Variants in SLC6A6 observed in about 807,000 individuals in gnomAD.
SLC6A6 encodes the protein sodium- and chloride-dependent taurine transporter.
SLC6A6 carries 16 observed loss-of-function variants against 68.8 expected under a neutral mutation model. That is an observed-to-expected ratio of 0.23 (90% confidence interval 0.16 to 0.35). The LOEUF (loss-of-function observed/expected upper bound fraction) is 0.35. SLC6A6 is among the 10% of genes least tolerant of loss of function. The probability of loss-of-function intolerance (pLI) is 1.00; values close to 1 mark genes in which losing one functional copy is unlikely to be tolerated. For synonymous variants in SLC6A6, 312 were observed against 315.4 expected, an observed-to-expected ratio of 0.99 and a Z score of 0.12; for missense variants, 474 against 802.8, an observed-to-expected ratio of 0.59 and a Z score of 4.95.
chr3:14,428,117 A>G (rs984057212), intron 2 of SLC6A6, among the ~76,000 whole-genome samples: 1 of 152,180 alleles, frequency 6.6e-6, no homozygotes, highest in Non-Finnish European at 1.5e-5. Context: ...CAGCAAGAAT[A>G]TTGATGGGGA....
intron 6 of SLC6A6, among the ~76,000 whole-genome samples, chr3:14,466,172 G>C (rs1450903702): frequency 6.6e-6 from 1 of 150,430 alleles, no homozygotes; most frequent in Non-Finnish European, 1.5e-5. Flanking sequence ...TGAGCCAGGA[G>C]AATCACTTGA....
chr3:14,484,991 T>C lies in SLC6A6; in HGVS notation c.1847T>C (p.Val616Ala). 1.9e-6 allele frequency: 3 copies of C among 1,612,532 alleles called. No homozygotes were observed. The highest frequency in any genetic ancestry group is 2.5e-6 in the Non-Finnish European group (3 of 1,179,160). The change falls in exon 15 of 15, where the codon GTG (valine) becomes GCG (alanine). Residue 616 changes from valine (V) to alanine (A), a missense_variant. This residue lies in a region of SLC6A6 where 194 missense variants were observed against 269.8 expected (regional missense o/e 0.72). Transcript: ENST00000622186. ...CTCGTGAAACCGACCCACATCATTG[T>C]GGAGACCATGATGTGAGCTCTCTCG... Reference protein sequence around the residue: ...GALVKPTHIIVETMM With the variant: ...GALVKPTHIIAETMM
chr3:14,470,503 G>T (rs1343483673), intron 9 of SLC6A6, among the ~76,000 whole-genome samples: 2 of 152,206 alleles, frequency 1.3e-5, no homozygotes, highest in Non-Finnish European at 1.5e-5. Context: ...TTTAGAGAAA[G>T]ACGCTCAGAC....
At chr3:14,475,183 C>T (rs1043875857) in intron 10 of SLC6A6, among the ~76,000 whole-genome samples, 1 of 152,160 alleles carries the variant, frequency 6.6e-6, no homozygotes, top group Non-Finnish European at 1.5e-5. Context: ...AGGCATGTGC[C>T]ACCATACCTG....
intron 2 of SLC6A6, among the ~76,000 whole-genome samples, chr3:14,431,543 G>A (rs1379757648): frequency 6.6e-6 from 1 of 152,142 alleles, no homozygotes; most frequent in Non-Finnish European, 1.5e-5. Context: ...CACAGCACAA[G>A]CCAAGGGTGT....
Position 14,477,423 on chromosome 3 carries a change from G to A in SLC6A6, c.1347+81G>A. The stretch of plus-strand genomic sequence containing the variant: ...GCCATAGTGGAGGCAGCAGCTGGGT[G>A]AGAGGGCCAGGTAGGGGCTTCATCT... On this transcript the variant is annotated intron_variant, in intron 11 of 14. Coordinates refer to ENST00000622186, the MANE Select transcript of SLC6A6 (RefSeq NM_003043.6). The surrounding 1 kb of genome is among the most constrained non-coding windows in gnomAD (Gnocchi z 4.2). 7.0e-7 allele frequency: 1 copy of A among 1,422,316 alleles called. No individual in the cohort carries two copies. The highest frequency in any genetic ancestry group is 9.8e-7 in the Non-Finnish European group (1 of 1,019,490). The allele number at this position is 1,422,316 out of a possible 1,614,324, so 88.1% of individuals were successfully genotyped here.
At chr3:14,454,385 C>T (rs1308931268) in intron 5 of SLC6A6, among the ~76,000 whole-genome samples, 1 of 152,046 alleles carries the variant, frequency 6.6e-6, no homozygotes, top group Non-Finnish European at 1.5e-5. Context: ...GGCGTTCCCT[C>T]GGCACGACAC....
chr3:14,456,634 G>T (rs1700373662), intron 5 of SLC6A6, among the ~76,000 whole-genome samples: 1 of 152,222 alleles, frequency 6.6e-6, no homozygotes, highest in Admixed American at 6.5e-5. Flanking sequence ...CCTGACTGTG[G>T]GGGTAATCCC....
At chr3:14,420,565 G>C (rs1004794552) in intron 2 of SLC6A6, among the ~76,000 whole-genome samples, 2 of 146,062 alleles carry the variant, frequency 1.4e-5, no homozygotes, top group African/African-American at 5.2e-5. Context: ...ATCATAGCTC[G>C]CTACAGCCTT....
intron 9 of SLC6A6, among the ~76,000 whole-genome samples, chr3:14,470,662 G>A (rs144480414): frequency 2.4e-4 from 36 of 152,310 alleles, no homozygotes; most frequent in African/African-American, 7.9e-4. Context: ...TCCTCATTCA[G>A]TGTGGACCAG....
chr3:14,465,153 G>A (rs7611075), intron 6 of SLC6A6, among the ~76,000 whole-genome samples: 57,135 of 152,098 alleles, frequency 0.38, 10,895 homozygotes, highest in South Asian at 0.43. Context: ...AGGCACCTTC[G>A]AACTCCTCCC....
chr3:14,448,103 T>C, intron 5 of SLC6A6: 1 of 1,129,760 alleles, frequency 8.9e-7, no homozygotes, highest in Non-Finnish European at 1.2e-6. Flanking sequence ...GTGAGGCAGG[T>C]ATGCATACTT....
At chr3:14,465,897 C>A (rs555961577) in intron 6 of SLC6A6, among the ~76,000 whole-genome samples, 1 of 152,344 alleles carries the variant, frequency 6.6e-6, no homozygotes, top group African/African-American at 2.4e-5. Flanking sequence ...GTCTTATCCA[C>A]CACTGTATTT....
chr3:14,462,838 C>A (rs546857623), intron 6 of SLC6A6, among the ~76,000 whole-genome samples: 2 of 152,262 alleles, frequency 1.3e-5, no homozygotes, highest in South Asian at 4.2e-4. Flanking sequence ...TGTGTACACA[C>A]GGTGGAGGAA....
Position 14,472,259 on chromosome 3 carries a change from C to G in SLC6A6, c.1151C>G (p.Pro384Arg), listed in dbSNP as rs1011296537. ...AAAGCTGTGACAATGATGCCGCTGC[C>G]CACATTTTGGTCCATTCTTTTTTTT... is the stretch of plus-strand genomic sequence containing the variant. ...YPKAVTMMPLPTFWSILFFIM... is the reference protein window; with the variant it reads ...YPKAVTMMPLRTFWSILFFIM... The change falls in exon 10 of 15, where the codon CCC (proline) becomes CGC (arginine). Residue 384 changes from proline (P) to arginine (R), a missense_variant. Coordinates refer to ENST00000622186, the MANE Select transcript of SLC6A6 (RefSeq NM_003043.6). The surrounding 1 kb of genome is among the most constrained non-coding windows in gnomAD (Gnocchi z 4.5). 3 of 1,613,906 alleles carry G rather than the reference C, an allele frequency of 1.9e-6. No homozygotes were observed. Among genetic ancestry groups the G allele is most frequent in the Non-Finnish European group, 1.7e-6 (2 of 1,179,896 alleles).
At chr3:14,471,278 C>G (rs1485829075) in intron 9 of SLC6A6, among the ~76,000 whole-genome samples, 1 of 152,118 alleles carries the variant, frequency 6.6e-6, no homozygotes, top group Non-Finnish European at 1.5e-5. Context: ...ACATTTCTCT[C>G]TGTCTCCGGA....
At chr3:14,471,283 T>C (rs1261767322) in intron 9 of SLC6A6, among the ~76,000 whole-genome samples, 5 of 152,152 alleles carry the variant, frequency 3.3e-5, no homozygotes, top group Admixed American at 3.3e-4. Context: ...TCTCTCTGTC[T>C]CCGGAATGTC....
At chr3:14,410,418 T>A (rs891118667) in intron 1 of SLC6A6, among the ~76,000 whole-genome samples, 18 of 152,226 alleles carry the variant, frequency 1.2e-4, no homozygotes, top group African/African-American at 4.1e-4. Context: ...TTGCAAAGAC[T>A]CCTTACAGTT....
At chr3:14,448,765 G>T (rs1700189887) in intron 5 of SLC6A6, among the ~76,000 whole-genome samples, 1 of 152,246 alleles carries the variant, frequency 6.6e-6, no homozygotes, top group African/African-American at 2.4e-5. Flanking sequence ...GTGGAGTCCT[G>T]ATCTTGGGGA....
Sources: gnomAD v4.1 joint callset for allele counts (sites outside exome capture counted in the v4.1 genomes callset) on GRCh38, gnomAD v4.1.1 for gene constraint, gnomAD v4.1.1 regional missense constraint, Gnocchi (gnomAD v3.1) non-coding constraint, MANE v1.5 for transcripts, NCBI Gene and HGNC (gene_info 2026-07-23, HGNC 2026-07-21) for gene names.